XAB2: variants seen among roughly 807,000 people sequenced by gnomAD.
The protein encoded by XAB2 is pre-mRNA-splicing factor SYF1.
XAB2 carries 57 observed loss-of-function variants against 113.4 expected under a neutral mutation model. The ratio of observed to expected loss-of-function variants is 0.50; its 90% confidence interval spans 0.41 to 0.63. The LOEUF (loss-of-function observed/expected upper bound fraction) is 0.63, where lower values mean the gene tolerates loss of function less well. Among genes scored for constraint, XAB2 ranks in the 20% least tolerant of loss-of-function variants. The probability of loss-of-function intolerance (pLI) is 0.00; values close to 1 mark genes in which losing one functional copy is unlikely to be tolerated. For synonymous variants in XAB2, 497 were observed against 498.8 expected (o/e 1.00, Z 0.05); for missense variants, 1,037 against 1,233.3 (o/e 0.84, Z 2.38).
chr19:7,624,349 T>C lies in XAB2; in HGVS notation c.919A>G (p.Ile307Val), dbSNP rs756961080. The C allele has an allele frequency of 6.2e-7, 1 of 1,614,122 alleles. No individual in the cohort carries two copies. The highest frequency in any genetic ancestry group is 1.7e-5 in the Admixed American group (1 of 60,028). The stretch of plus-strand genomic sequence containing the variant: ...GAGGCGGTCTCCATCTTTGCAGCGA[T>C]CATGCTCTCCTCGAACTGGGCGTAG... ...DSYAQFEESM[I>V]AAKMETASEL... The change falls in exon 7 of 19, where the codon ATC becomes GTC. Residue 307 changes from isoleucine to valine, a missense_variant. Coordinates refer to ENST00000358368, the MANE Select transcript of XAB2 (RefSeq NM_020196.3). The surrounding 1 kb of genome is among the most constrained non-coding windows in gnomAD (Gnocchi z 4.2).
intron 1 of XAB2, 71 bp downstream of exon 1, chr19:7,629,406 C>T (rs757167104): frequency 5.8e-6 from 9 of 1,542,396 alleles, no homozygotes; most frequent in Non-Finnish European, 7.9e-6. Context: ...GCCGACCCAG[C>T]CTCGATCCCC....
At position 7,624,590 on chromosome 19, in the gene XAB2, C is replaced by A; in HGVS notation, c.823-145G>T. On this transcript the variant is annotated intron_variant, in intron 6 of 18. Coordinates refer to ENST00000358368, the MANE Select transcript of XAB2 (RefSeq NM_020196.3). This position sits in a 1 kb window ranked among gnomAD's most constrained non-coding sequence, Gnocchi z 4.2. ...GCACCTCTGGGTAGTGACCCCAGGACAGAGCCTCCGTGGAGCCTTCTCACC... is the reference window on the plus strand; with the variant it reads ...GCACCTCTGGGTAGTGACCCCAGGAAAGAGCCTCCGTGGAGCCTTCTCACC... 2 of 1,284,400 alleles carry A rather than the reference C, an allele frequency of 1.6e-6. No individual in the cohort carries two copies. The highest frequency in any genetic ancestry group is 1.4e-5 in the South Asian group (1 of 71,568). 79.6% of individuals were successfully genotyped at this position (1,284,400 alleles called of 1,614,324 possible).
chr19:7,620,816 G>A (rs1255772166), intron 14 of XAB2, 30 bp downstream of exon 14: 5 of 1,564,290 alleles, frequency 3.2e-6, no homozygotes, highest in Non-Finnish European at 8.7e-7. Context: ...AGGGACCTCT[G>A]GCCCCGGCCC....
Position 7,627,958 on chromosome 19 carries a change from G to T in XAB2, c.201-107C>A, listed in dbSNP as rs2031176000. On this transcript the variant is annotated intron_variant, in intron 2 of 18. Transcript: ENST00000358368. The surrounding 1 kb of genome is among the most constrained non-coding windows in gnomAD (Gnocchi z 4.5). The stretch of plus-strand genomic sequence containing the variant: ...ATGTGGGAAGAAGGGGTGTGGGAGG[G>T]GTGACATGTCTCAGCAATGACAGGG... 1 of 1,537,426 alleles carries T rather than the reference G, an allele frequency of 6.5e-7. No homozygotes were observed. The highest frequency in any genetic ancestry group is 8.8e-7 in the Non-Finnish European group (1 of 1,136,736).
intron 17 of XAB2, 42 bp from the exon 18 acceptor site, chr19:7,619,898 C>G: frequency 6.2e-7 from 1 of 1,609,762 alleles, no homozygotes. Context: ...ACCCCGGGCC[C>G]CCTTGGGACC....
intron 4 of XAB2, 152 bp from the exon 5 acceptor site, chr19:7,626,422 CA>C: frequency 8.7e-7 from 1 of 1,153,610 alleles, no homozygotes; most frequent in Non-Finnish European, 1.2e-6. Context: ...CCCACTGGTC[CA>C]GCCCGGTTCC....
intron 13 of XAB2, 41 bp downstream of exon 13, chr19:7,621,094 A>AACCCCCC: frequency 6.7e-7 from 1 of 1,494,486 alleles, no homozygotes; most frequent in Non-Finnish European, 9.0e-7. Context: ...TCAGAAACCC[A>AACCCCCC]GCCCGCCCGC....
At position 7,624,896 on chromosome 19, in the gene XAB2, C is replaced by T. The variant is rs901304836; in HGVS notation, c.823-451G>A. Among the ~76,000 whole-genome samples the T allele has an allele frequency of 2.0e-5, 3 of 152,184 alleles. No homozygotes were observed. The highest frequency in any genetic ancestry group is 4.4e-5 in the Non-Finnish European group (3 of 68,018). Reference sequence around the variant, plus strand: ...CAGCCCGCCTGTCCTCCACCTGGCTCGCCCACCCCAGCTCAGGTCCCCTCT... The same window carrying T: ...CAGCCCGCCTGTCCTCCACCTGGCTTGCCCACCCCAGCTCAGGTCCCCTCT... On this transcript the variant is annotated intron_variant, in intron 6 of 18. Coordinates refer to ENST00000358368, the MANE Select transcript of XAB2 (RefSeq NM_020196.3). This position sits in a 1 kb window ranked among gnomAD's most constrained non-coding sequence, Gnocchi z 4.2.
intron 4 of XAB2, among the ~76,000 whole-genome samples, 154 bp from the exon 5 acceptor site, chr19:7,626,424 G>T (rs1206529176): frequency 6.6e-6 from 1 of 152,224 alleles, no homozygotes; most frequent in East Asian, 1.9e-4. Flanking sequence ...CACTGGTCCA[G>T]CCCGGTTCCT....
At chr19:7,622,299 CA>C (rs2031049861) in intron 12 of XAB2, 31 bp downstream of exon 12, 1 of 1,607,436 alleles carries the variant, frequency 6.2e-7, no homozygotes, top group Non-Finnish European at 8.5e-7. Flanking sequence ...ACACTGCCAT[CA>C]GGGGCCTCTG....
Position 7,622,911 on chromosome 19 carries a change from G to A in XAB2, c.1240-18C>T, listed in dbSNP as rs1161566544. 6.2e-7 allele frequency: 1 copy of A among 1,612,046 alleles called. No homozygotes were observed. The highest frequency in any genetic ancestry group is 1.1e-5 in the South Asian group (1 of 90,744). On this transcript the variant is annotated intron_variant, in intron 9 of 18. Coordinates refer to ENST00000358368, the MANE Select transcript of XAB2 (RefSeq NM_020196.3). ...ACACGGGCCTGCCGGGGCGGGCAGAGGCGAGGCTGAGACCCTGCCCACCTG... is the reference window on the plus strand; with the variant it reads ...ACACGGGCCTGCCGGGGCGGGCAGAAGCGAGGCTGAGACCCTGCCCACCTG...
At position 7,620,082 on chromosome 19, in the gene XAB2, G is replaced by A. The variant is rs4134868; in HGVS notation, c.2267-7C>T. The A allele has an allele frequency of 2.8e-4, 459 of 1,610,524 alleles. 2 individuals are homozygous for A. The African/African-American group carries it at 5.4e-3, about 19-fold the overall frequency. On this transcript the variant is annotated splice_region_variant and splice_polypyrimidine_tract_variant and intron_variant, in intron 16 of 18. Coordinates refer to ENST00000358368, the MANE Select transcript of XAB2 (RefSeq NM_020196.3). The stretch of plus-strand genomic sequence containing the variant: ...CCAGGGGCCAGGTCAGACACTAGGG[G>A]GTGGGAGCAGGGGGTCAGCGCCACG...
intron 4 of XAB2, 52 bp from the exon 5 acceptor site, chr19:7,626,322 C>T (rs1430708409): frequency 6.3e-7 from 1 of 1,585,256 alleles, no homozygotes; most frequent in Admixed American, 1.7e-5. Context: ...GGGCTACGCC[C>T]ACCTCCCGAT....
chr19:7,625,823 C>G lies in XAB2; in HGVS notation c.822+57G>C. 7 of 1,546,808 alleles carry G rather than the reference C, an allele frequency of 4.5e-6. No individual in the cohort carries two copies. Among genetic ancestry groups the G allele is most frequent in the Non-Finnish European group, 6.1e-6 (7 of 1,142,668 alleles). The stretch of plus-strand genomic sequence containing the variant: ...CCTGTGCATGTGTCAACATGTGTCC[C>G]CGAGTGTCGGAGGGAGACCCCGCCC... On this transcript the variant is annotated intron_variant, in intron 6 of 18. Coordinates refer to ENST00000358368, the MANE Select transcript of XAB2 (RefSeq NM_020196.3). The surrounding 1 kb of genome is among the most constrained non-coding windows in gnomAD (Gnocchi z 5.2).
chr19:7,620,150 C>G (rs892914915), intron 16 of XAB2, 75 bp from the exon 17 acceptor site: 36 of 1,593,602 alleles, frequency 2.3e-5, no homozygotes, highest in Non-Finnish European at 2.7e-5. Context: ...TCCCAGTCCC[C>G]CAGGTGATGG....
Position 7,623,752 on chromosome 19 carries a change from C to T in XAB2, c.1098G>A (p.Leu366=). Residue 366 remains leucine (L), a synonymous_variant, in exon 8 of 19, where the codon CTG becomes CTA. Transcript: ENST00000358368. The surrounding 1 kb of genome is among the most constrained non-coding windows in gnomAD (Gnocchi z 4.6). ...HVHEWHKRVA[L]HQGRPREIIN... ...GTACCTCCCGGGGGCGGCCCTGGTG[C>T]AGGGCGACACGCTTGTGCCACTCGT... is the stretch of plus-strand genomic sequence containing the variant. The T allele has an allele frequency of 6.2e-7, 1 of 1,608,228 alleles. No homozygotes were observed.
intron 13 of XAB2, 40 bp downstream of exon 13, chr19:7,621,095 G>GGGCCCCC: frequency 6.7e-7 from 1 of 1,486,300 alleles, no homozygotes; most frequent in Non-Finnish European, 9.0e-7. Flanking sequence ...CAGAAACCCA[G>GGGCCCCC]CCCGCCCGCC....
In XAB2 at chr19:7,621,324, G is replaced by GAGATAGAGAT. The variant is rs774631131; in HGVS notation, c.1618-28_1618-27insATCTCTATCT. 4 of 1,609,444 alleles carry GAGATAGAGAT rather than the reference G, an allele frequency of 2.5e-6. No homozygotes were observed. In the East Asian group the frequency reaches 8.9e-5, roughly 36 times the overall value. The stretch of plus-strand genomic sequence containing the variant: ...TGTTACCAGAGGGAGAGTCACATGT[G>GAGATAGAGAT]AGAGTCTGCAGATAGAGACCACCAG... On this transcript the variant is annotated intron_variant, in intron 12 of 18. Coordinates refer to ENST00000358368, the MANE Select transcript of XAB2 (RefSeq NM_020196.3).
In XAB2 at chr19:7,626,229, C is replaced by T; in HGVS notation, c.564G>A (p.Lys188=). 1.2e-6 allele frequency: 2 copies of T among 1,613,600 alleles called. No individual in the cohort carries two copies. The highest frequency in any genetic ancestry group is 1.7e-6 in the Non-Finnish European group (2 of 1,180,026). ...ESAEEYIEYL[K]SSDRLDEAAQ... is the part of the protein sequence containing the mutation. Reference sequence around the variant, plus strand: ...CGGCCTCATCCAGCCGGTCACTTGACTTGAGGTACTCAATGTACTCCTCTG... The same window carrying T: ...CGGCCTCATCCAGCCGGTCACTTGATTTGAGGTACTCAATGTACTCCTCTG... Residue 188 remains lysine, a synonymous_variant, in exon 5 of 19, where the codon AAG becomes AAA. Coordinates refer to ENST00000358368, the MANE Select transcript of XAB2 (RefSeq NM_020196.3).
Sources: allele counts gnomAD v4.1 joint callset (sites outside exome capture counted in the v4.1 genomes callset), GRCh38; gene constraint gnomAD v4.1.1; non-coding constraint Gnocchi (gnomAD v3.1); transcripts MANE v1.5; gene names NCBI Gene and HGNC (gene_info 2026-07-23, HGNC 2026-07-21).